TMEM196: variants seen among roughly 807,000 people sequenced by gnomAD.
TMEM196 encodes the protein transmembrane protein 196.
Under a neutral mutation model 20.0 loss-of-function variants are expected in TMEM196, and 17 were observed. The observed-to-expected ratio is 0.85, with a 90% confidence interval of 0.58 to 1.27. The LOEUF is 1.27. Among genes scored for constraint, TMEM196 ranks in the 50% most tolerant of loss-of-function variants. The pLI, the probability that TMEM196 is intolerant of heterozygous loss-of-function variation, is 0.00. For missense variants in TMEM196, 267 were observed against 223.0 expected, an observed-to-expected ratio of 1.20 and a Z score of -1.26; for synonymous variants, 113 against 88.9, an observed-to-expected ratio of 1.27 and a Z score of -1.52.
intron 1 of TMEM196, among the ~76,000 whole-genome samples, chr7:19,731,514 TC>T (rs1464498470): frequency 6.6e-6 from 1 of 152,204 alleles, no homozygotes; most frequent in Non-Finnish European, 1.5e-5. Flanking sequence ...AGCATACTCT[TC>T]TCCTTAAGTT....
At chr7:19,728,534 TA>T (rs1339256202) in intron 2 of TMEM196, among the ~76,000 whole-genome samples, 8 of 152,114 alleles carry the variant, frequency 5.3e-5, no homozygotes, top group Non-Finnish European at 1.0e-4. Context: ...AGGGGTCAAA[TA>T]AAAATAACTG....
chr7:19,754,185 A>G (rs1785108550), intron 1 of TMEM196, among the ~76,000 whole-genome samples: 1 of 152,220 alleles, frequency 6.6e-6, no homozygotes, highest in South Asian at 2.1e-4. Flanking sequence ...ACTGAGATGC[A>G]TAACAGTGTA....
intron 1 of TMEM196, among the ~76,000 whole-genome samples, chr7:19,742,672 T>G (rs908661414): frequency 6.6e-6 from 1 of 152,162 alleles, no homozygotes; most frequent in African/African-American, 2.4e-5. Context: ...GGACTCAGTT[T>G]TGGCTGTCTT....
intron 1 of TMEM196, among the ~76,000 whole-genome samples, chr7:19,731,148 C>T (rs2128016855): frequency 6.6e-6 from 1 of 152,138 alleles, no homozygotes; most frequent in Non-Finnish European, 1.5e-5. Context: ...AAAAACATAA[C>T]ACTCAAAGGC....
At chr7:19,748,420 T>C (rs904344737) in intron 1 of TMEM196, among the ~76,000 whole-genome samples, 1 of 152,198 alleles carries the variant, frequency 6.6e-6, no homozygotes, top group African/African-American at 2.4e-5. Context: ...GTGTGTTGTC[T>C]CTATACACAC....
chr7:19,772,687 T>C lies in TMEM196; in HGVS notation c.10A>G (p.Ser4Gly). The C allele has an allele frequency of 6.6e-7, 1 of 1,520,208 alleles. No homozygotes were observed. The highest frequency in any genetic ancestry group is 8.9e-7 in the Non-Finnish European group (1 of 1,129,462). The allele number at this position is 1,520,208 out of a possible 1,614,324, so 94.2% of individuals were successfully genotyped here. A position where few individuals can be genotyped will look rare whatever the true frequency, so the allele number is the denominator to read the frequency against. MCTSGQIIGSLLVL... is the reference protein window; with the variant it reads MCTGGQIIGSLLVL... ...AAGAGGCTCCCAATAATCTGACCGC[T>C]GGTGCACATCCTTCCTCGGTCATCT... The change falls in exon 1 of 5, where the codon AGC (serine) becomes GGC (glycine). Residue 4 changes from serine to glycine, a missense_variant. Ser to Gly is a moderately conservative substitution (Grantham distance 56, BLOSUM62 0). Coordinates refer to ENST00000405844, the MANE Select transcript of TMEM196 (RefSeq NM_001363562.2).
chr7:19,738,538 G>A (rs1784483150), intron 1 of TMEM196, among the ~76,000 whole-genome samples: 1 of 152,030 alleles, frequency 6.6e-6, no homozygotes. Context: ...CCTATAAAAG[G>A]AACCATGCAT....
At chr7:19,743,198 G>GA (rs1784636835) in intron 1 of TMEM196, among the ~76,000 whole-genome samples, 1 of 152,108 alleles carries the variant, frequency 6.6e-6, no homozygotes, top group African/African-American at 2.4e-5. Context: ...CATGATGAGG[G>GA]ATCATTTCTG....
At chr7:19,743,548 G>T (rs1224377312) in intron 1 of TMEM196, among the ~76,000 whole-genome samples, 1 of 152,104 alleles carries the variant, frequency 6.6e-6, no homozygotes, top group African/African-American at 2.4e-5. Flanking sequence ...ATACATTTAT[G>T]CCAGAGGTCA....
chr7:19,746,099 G>T (rs942819373), intron 1 of TMEM196, among the ~76,000 whole-genome samples: 2 of 152,092 alleles, frequency 1.3e-5, no homozygotes, highest in African/African-American at 4.8e-5. Flanking sequence ...GGAAATTGGG[G>T]TAGTCTAAAA....
At chr7:19,726,906 G>A (rs907750778) in intron 2 of TMEM196, among the ~76,000 whole-genome samples, 12 of 151,724 alleles carry the variant, frequency 7.9e-5, no homozygotes, top group African/African-American at 2.9e-4. Flanking sequence ...TTCAATATGG[G>A]TTACTCATTC....
rs56281968 is a variant in TMEM196, at chr7:19,742,225, C to T, written c.148-12787G>A. 6.0e-3 allele frequency among the ~76,000 whole-genome samples: 919 copies of T among 152,100 alleles called. 7 individuals are homozygous for T. Among genetic ancestry groups the T allele is most frequent in the African/African-American group, 0.021 (855 of 41,484 alleles). ...TTGTTATCTTATGGTTATTTTAACCCATCAGGTACTATACTTTTCATGCCA... is the reference window on the plus strand; with the variant it reads ...TTGTTATCTTATGGTTATTTTAACCTATCAGGTACTATACTTTTCATGCCA... On this transcript the variant is annotated intron_variant, in intron 1 of 4. Transcript: ENST00000405844.
chr7:19,769,526 G>T (rs994935288), intron 1 of TMEM196, among the ~76,000 whole-genome samples: 2 of 151,994 alleles, frequency 1.3e-5, no homozygotes, highest in African/African-American at 4.8e-5. Flanking sequence ...CTGACTGAAA[G>T]ACTCTCTCTT....
At chr7:19,729,843 A>C (rs1219175956) in intron 1 of TMEM196, among the ~76,000 whole-genome samples, 1 of 152,218 alleles carries the variant, frequency 6.6e-6, no homozygotes, top group Non-Finnish European at 1.5e-5. Flanking sequence ...ACAAATCAAA[A>C]GATAATGCAT....
Position 19,721,845 on chromosome 7 carries a change from A to C in TMEM196, c.*283T>G. 1 of 446,772 alleles carries C rather than the reference A, an allele frequency of 2.2e-6. No individual in the cohort carries two copies. The highest frequency in any genetic ancestry group is 3.9e-6 in the Non-Finnish European group (1 of 254,942). 27.7% of individuals were successfully genotyped at this position (446,772 alleles called of 1,614,324 possible). On this transcript the variant is annotated 3_prime_UTR_variant, in exon 5 of 5. Transcript: ENST00000405844. ...TTTCCTGAAAAGTCTTCTTTAGAACAATCTGGAAAGCCTCTTGAAATTATT... is the reference window on the plus strand; with the variant it reads ...TTTCCTGAAAAGTCTTCTTTAGAACCATCTGGAAAGCCTCTTGAAATTATT...
chr7:19,757,722 T>G (rs987380648), intron 1 of TMEM196, among the ~76,000 whole-genome samples: 1 of 152,100 alleles, frequency 6.6e-6, no homozygotes, highest in Non-Finnish European at 1.5e-5. Flanking sequence ...TGAGAAAATA[T>G]TTTACTTTAA....
rs565850919 is a variant in TMEM196 at position 19,766,540 on chromosome 7, G to A, written c.147+6010C>T. ...TGTGTATATATATATAAAATATATAGGATCATATATATTACATATGATAAA... is the reference window on the plus strand; with the variant it reads ...TGTGTATATATATATAAAATATATAAGATCATATATATTACATATGATAAA... On this transcript the variant is annotated intron_variant, in intron 1 of 4. Transcript: ENST00000405844. 1.9e-4 allele frequency among the ~76,000 whole-genome samples: 29 copies of A among 150,600 alleles called. No homozygotes were observed. The East Asian group carries it at 5.7e-3, about 29-fold the overall frequency.
intron 1 of TMEM196, among the ~76,000 whole-genome samples, chr7:19,730,177 ACCTGGGAGG>A (rs1360973794): frequency 6.6e-6 from 1 of 151,952 alleles, no homozygotes; most frequent in African/African-American, 2.4e-5. Context: ...AATGGCGTGA[ACCTGGGAGG>A]CGAGGCTTGC....
At chr7:19,724,453 A>C (rs377295597) in intron 3 of TMEM196, 100 bp from the exon 4 acceptor site, 1 of 991,490 alleles carries the variant, frequency 1.0e-6, no homozygotes, top group African/African-American at 1.6e-5. Flanking sequence ...GCCACTATTC[A>C]TATATACATA....
Sources: gnomAD v4.1 joint callset for allele counts (sites outside exome capture counted in the v4.1 genomes callset) on GRCh38, gnomAD v4.1.1 for gene constraint, MANE v1.5 for transcripts, NCBI Gene and HGNC (gene_info 2026-07-23, HGNC 2026-07-21) for gene names.